The following TMPRSS15 variants were observed in gnomAD, a reference collection of about 807,000 sequenced individuals.
TMPRSS15 encodes transmembrane serine protease 15, also known as enteropeptidase.
TMPRSS15 carries 128 observed loss-of-function variants against 125.3 expected under a neutral mutation model. The ratio of observed to expected loss-of-function variants is 1.02; its 90% confidence interval spans 0.89 to 1.18. The LOEUF (loss-of-function observed/expected upper bound fraction) is 1.18, where lower values mean the gene tolerates loss of function less well. TMPRSS15 is among the 50% of genes most tolerant of loss of function. The pLI, the probability that TMPRSS15 is intolerant of heterozygous loss-of-function variation, is 0.00. For missense variants in TMPRSS15, 1,283 were observed against 1,212.7 expected, an observed-to-expected ratio of 1.06 and a Z score of -0.86; for synonymous variants, 446 against 423.2, an observed-to-expected ratio of 1.05 and a Z score of -0.66.
chr21:18,458,663 A>T (rs1978488511), intron 1 of TMPRSS15, among the ~76,000 whole-genome samples: 2 of 152,110 alleles, frequency 1.3e-5, no homozygotes, highest in African/African-American at 4.8e-5. Context: ...TTACTGCAAA[A>T]ACTATGTATT....
chr21:18,299,361 C>A (rs941605306), intron 18 of TMPRSS15, among the ~76,000 whole-genome samples: 5 of 152,134 alleles, frequency 3.3e-5, no homozygotes, highest in African/African-American at 1.2e-4. Flanking sequence ...TAGAGCAGAC[C>A]GAATCTAGAT....
intron 16 of TMPRSS15, among the ~76,000 whole-genome samples, chr21:18,322,952 T>C (rs1455541278): frequency 6.6e-6 from 1 of 152,226 alleles, no homozygotes; most frequent in Non-Finnish European, 1.5e-5. Flanking sequence ...TCGATGATTA[T>C]AAATTGTATG....
intron 6 of TMPRSS15, among the ~76,000 whole-genome samples, chr21:18,365,643 TTTCCTCCCTTCCTTCC>T: frequency 3.7e-5 from 1 of 26,800 alleles, no homozygotes; most frequent in African/African-American, 1.1e-4. Flanking sequence ...TCTCTCTCTT[TTTCCTCCCTTCCTTCC>T]TTCCTTCCTT....
At chr21:18,367,055 A>C (rs2075744900) in intron 6 of TMPRSS15, among the ~76,000 whole-genome samples, 1 of 152,100 alleles carries the variant, frequency 6.6e-6, no homozygotes, top group South Asian at 2.1e-4. Context: ...GGTGCATAAA[A>C]ATTTACTTTG....
At chr21:18,473,245 G>A (rs939762210) in intron 1 of TMPRSS15, among the ~76,000 whole-genome samples, 2 of 152,002 alleles carry the variant, frequency 1.3e-5, no homozygotes, top group Non-Finnish European at 2.9e-5. Context: ...GAGGTCATTG[G>A]CCAAAGGGAA....
intron 16 of TMPRSS15, among the ~76,000 whole-genome samples, chr21:18,319,406 A>C (rs1388656870): frequency 9.3e-6 from 1 of 107,336 alleles, no homozygotes; most frequent in Middle Eastern, 4.5e-3. Flanking sequence ...ACAGTAAAAA[A>C]AAATCTTCTT....
At chr21:18,426,624 T>C (rs993688213) in intron 1 of TMPRSS15, among the ~76,000 whole-genome samples, 3 of 152,094 alleles carry the variant, frequency 2.0e-5, no homozygotes, top group Non-Finnish European at 2.9e-5. Context: ...CTATTTGTTT[T>C]AGCCACAGTT....
intron 1 of TMPRSS15, among the ~76,000 whole-genome samples, chr21:18,480,099 G>A (rs1288583306): frequency 2.6e-5 from 4 of 152,002 alleles, no homozygotes; most frequent in Non-Finnish European, 4.4e-5. Flanking sequence ...GGACATGGAG[G>A]AAGCTAGAAA....
rs755119717 is a variant in TMPRSS15, at chr21:18,278,953, T to A, written c.2764+11A>T. On this transcript the variant is annotated intron_variant, in intron 23 of 24. Transcript: ENST00000284885. ...TTTTTTTTTTTTTTTTTTTTGAGTC[T>A]GATAATTTACCTTGATATACAACCG... The A allele has an allele frequency of 1.3e-5, 12 of 918,064 alleles. No individual in the cohort carries two copies. The Admixed American group carries it at 2.5e-4, about 19-fold the overall frequency. The allele number at this position is 918,064 out of a possible 1,614,324, so 56.9% of individuals were successfully genotyped here.
chr21:18,294,386 A>C lies in TMPRSS15; in HGVS notation c.2370T>G (p.Asn790Lys). ...CCCAGGGCCAGGCCCCTTCTTTGGC[A>C]TTACTTCCTCCAACAATCTTTGGGG... ...DITPKIVGGS[N>K]AKEGAWPWVV... is the part of the protein sequence containing the mutation. The change falls in exon 21 of 25, where the codon AAT becomes AAG. Residue 790 changes from asparagine (N) to lysine (K), a missense_variant. By Grantham distance (94) the Asn-to-Lys change is moderately conservative. Transcript: ENST00000284885. 6.2e-7 allele frequency: 1 copy of C among 1,614,254 alleles called. No individual in the cohort carries two copies. Among genetic ancestry groups the C allele is most frequent in the Non-Finnish European group, 8.5e-7 (1 of 1,180,042 alleles).
At chr21:18,365,793 G>A (rs1239887732) in intron 6 of TMPRSS15, among the ~76,000 whole-genome samples, 1 of 144,124 alleles carries the variant, frequency 6.9e-6, no homozygotes, top group Non-Finnish European at 1.5e-5. Flanking sequence ...GCGTGTGCTG[G>A]AATGCAACGG....
At chr21:18,329,086 T>C (rs1304096432) in intron 15 of TMPRSS15, 83 bp downstream of exon 15, 2 of 1,511,694 alleles carry the variant, frequency 1.3e-6, no homozygotes, top group Non-Finnish European at 1.8e-6. Context: ...AAAAGAGTGA[T>C]TACATTAATT....
intron 13 of TMPRSS15, among the ~76,000 whole-genome samples, chr21:18,333,821 G>A (rs2075366848): frequency 6.6e-6 from 1 of 150,984 alleles, no homozygotes; most frequent in Admixed American, 6.6e-5. Context: ...ATACTTTGTT[G>A]TTTCATTTAT....
intron 18 of TMPRSS15, among the ~76,000 whole-genome samples, chr21:18,306,089 C>A (rs190473173): frequency 2.6e-5 from 4 of 152,132 alleles, no homozygotes; most frequent in Admixed American, 2.0e-4. Flanking sequence ...GTAAAGTTAG[C>A]GAATTAAGTA....
intron 1 of TMPRSS15, among the ~76,000 whole-genome samples, chr21:18,425,859 A>G (rs1170250548): frequency 1.3e-5 from 2 of 152,130 alleles, no homozygotes; most frequent in Non-Finnish European, 2.9e-5. Flanking sequence ...GCTGTAAAAA[A>G]CCCTTAATAA....
chr21:18,359,617 T>A (rs1179134479), intron 8 of TMPRSS15, 140 bp downstream of exon 8: 2 of 512,900 alleles, frequency 3.9e-6, no homozygotes, highest in African/African-American at 1.9e-5. Context: ...ATTTTTATAA[T>A]GAGAAGCAAT....
chr21:18,294,290 G>T lies in TMPRSS15; in HGVS notation c.2466C>A (p.Ser822=), dbSNP rs138776442. 1.2e-6 allele frequency: 2 copies of T among 1,614,192 alleles called. No individual in the cohort carries two copies. The highest frequency in any genetic ancestry group is 1.7e-6 in the Non-Finnish European group (2 of 1,180,036). The change falls in exon 21 of 25, where the codon TCC becomes TCA. Residue 822 remains serine (S), a synonymous_variant. Coordinates refer to ENST00000284885, the MANE Select transcript of TMPRSS15 (RefSeq NM_002772.3). The stretch of plus-strand genomic sequence containing the variant: ...CTCACCCATACACGCAGTGTGCGGC[G>T]GACACCAGCCAGTCACTGCTGACGA... ...ASLVSSDWLV[S]AAHCVYGRNL... is the part of the protein sequence containing the mutation.
chr21:18,480,116 T>C (rs1477527457), intron 1 of TMPRSS15, among the ~76,000 whole-genome samples: 2 of 152,028 alleles, frequency 1.3e-5, no homozygotes, highest in Non-Finnish European at 2.9e-5. Context: ...GAAACCATCA[T>C]TCTCAGCAAA....
rs369844272 is a variant in TMPRSS15 at position 18,281,082 on chromosome 21, C to T, written c.2626G>A (p.Asp876Asn). ...AATTCCAGATGCATCATGGCAATGT[C>T]GTTGTCCTTTCTTCGCCTATTGTAA... ...PHYNRRRKDN[D>N]IAMMHLEFKV... The change falls in exon 22 of 25, where the codon GAC (aspartate) becomes AAC (asparagine). Residue 876 changes from aspartate (D) to asparagine (N), a missense_variant. By Grantham distance (23) the Asp-to-Asn change is conservative. Coordinates refer to ENST00000284885, the MANE Select transcript of TMPRSS15 (RefSeq NM_002772.3). 2.5e-6 allele frequency: 4 copies of T among 1,613,584 alleles called. No homozygotes were observed. The highest frequency in any genetic ancestry group is 1.3e-5 in the African/African-American group (1 of 74,772).
Sources: gnomAD v4.1 joint callset for allele counts (sites outside exome capture counted in the v4.1 genomes callset) on GRCh38, gnomAD v4.1.1 for gene constraint, MANE v1.5 for transcripts, NCBI Gene and HGNC (gene_info 2026-07-23, HGNC 2026-07-21) for gene names.